Variants in FGF13 observed in about 807,000 individuals in gnomAD.
FGF13 encodes fibroblast growth factor homologous factor 2.
A neutral mutation model predicts 19.5 loss-of-function variants in FGF13; 2 were observed. That is an observed-to-expected ratio of 0.10 (90% CI 0.04 to 0.32). FGF13 has a LOEUF of 0.32. Among genes scored for constraint, FGF13 ranks in the 10% least tolerant of loss-of-function variants. The pLI is 1.00. For synonymous variants in FGF13, 72 were observed against 76.9 expected, an observed-to-expected ratio of 0.94 and a Z score of 0.33; for missense variants, 113 against 192.7, an observed-to-expected ratio of 0.59 and a Z score of 2.45.
intron 3 of FGF13, among the ~76,000 whole-genome samples, chrX:138,753,063 T>C (rs1160780900): frequency 8.9e-6 from 1 of 112,227 alleles, no homozygotes; most frequent in Non-Finnish European, 1.9e-5. Context: ...TTTGTGTTTA[T>C]ATATTTAATT....
At chrX:139,064,884 T>C (rs1473989964) in intron 1 of FGF13, among the ~76,000 whole-genome samples, 2 of 111,677 alleles carry the variant, frequency 1.8e-5, no homozygotes, top group Non-Finnish European at 3.8e-5. Context: ...CATTCTTTTT[T>C]CTCTAATCTT....
intron 3 of FGF13, among the ~76,000 whole-genome samples, chrX:138,754,858 T>C (rs2090421727): frequency 9.0e-6 from 1 of 111,441 alleles, no homozygotes; most frequent in Non-Finnish European, 1.9e-5. Flanking sequence ...ATATTTCATG[T>C]GTGCTGTCAT....
intron 3 of FGF13, among the ~76,000 whole-genome samples, chrX:138,849,551 G>A (rs953651441): frequency 1.8e-5 from 2 of 111,800 alleles, no homozygotes; most frequent in Admixed American, 1.9e-4. Context: ...CTTAATAGAC[G>A]TAGACTTCTA....
chrX:138,761,829 G>C (rs148398756), intron 3 of FGF13, among the ~76,000 whole-genome samples: 1,672 of 111,080 alleles, frequency 0.015, 19 homozygotes, highest in African/African-American at 0.052. Context: ...ATCTTTCCAC[G>C]AAATCCATCC....
intron 1 of FGF13, among the ~76,000 whole-genome samples, chrX:138,924,377 A>T (rs1388340380): frequency 8.9e-6 from 1 of 111,852 alleles, no homozygotes; most frequent in Non-Finnish European, 1.9e-5. Context: ...CTGGAGACAT[A>T]ACCATGAATA....
At chrX:138,899,240 T>G (rs1053760784) in intron 1 of FGF13, among the ~76,000 whole-genome samples, 7 of 111,545 alleles carry the variant, frequency 6.3e-5, no homozygotes, top group Admixed American at 1.9e-4. Context: ...ACTCAACAGT[T>G]ACTGGCTATA....
chrX:138,735,921 C>T (rs989188762), intron 1 of FGF13, among the ~76,000 whole-genome samples: 1 of 112,300 alleles, frequency 8.9e-6, no homozygotes, highest in South Asian at 3.7e-4. Context: ...CCTTTCTTTA[C>T]TGCATATCCC....
At chrX:138,801,417 C>T (rs1387820775) in intron 3 of FGF13, among the ~76,000 whole-genome samples, 2 of 111,945 alleles carry the variant, frequency 1.8e-5, no homozygotes, top group Admixed American at 1.9e-4. Context: ...GTGGAGGCTG[C>T]AGAACAGCAA....
intron 3 of FGF13, among the ~76,000 whole-genome samples, chrX:138,687,666 A>T (rs1462349959): frequency 8.9e-6 from 1 of 111,923 alleles, no homozygotes. Flanking sequence ...TCCAAAAGAA[A>T]GGAAATCAGC....
At chrX:138,690,351 A>G (rs1488199966) in intron 3 of FGF13, among the ~76,000 whole-genome samples, 1 of 111,275 alleles carries the variant, frequency 9.0e-6, no homozygotes, top group Non-Finnish European at 1.9e-5. Context: ...TCTATGGGTC[A>G]GCATTGTTTC....
intron 1 of FGF13, among the ~76,000 whole-genome samples, chrX:139,184,004 G>C (rs949225277): frequency 1.8e-5 from 2 of 112,018 alleles, no homozygotes; most frequent in Non-Finnish European, 3.8e-5. Context: ...AGCTCAAGCA[G>C]AACCTATGTT....
chrX:138,682,641 A>G (rs964243181), intron 3 of FGF13, among the ~76,000 whole-genome samples: 1 of 112,311 alleles, frequency 8.9e-6, no homozygotes, highest in Non-Finnish European at 1.9e-5. Flanking sequence ...ACTCAGTAAA[A>G]TAGTATTAGA....
chrX:138,895,825 A>C (rs969809044), intron 1 of FGF13, among the ~76,000 whole-genome samples: 43 of 112,186 alleles, frequency 3.8e-4, no homozygotes, highest in African/African-American at 1.3e-3. Context: ...TCAGCCACAA[A>C]ATATAAGGAA....
chrX:138,944,844 TCTCACTGGTATTTTTCTATTTAGAA>T (rs2091774809), intron 1 of FGF13, among the ~76,000 whole-genome samples: 2 of 111,919 alleles, frequency 1.8e-5, no homozygotes, highest in Non-Finnish European at 3.8e-5. Flanking sequence ...GTGGCAATTC[TCTCACTGGTATTTTTCTATTTAGAA>T]AAAAGATGAT....
chrX:138,867,833 C>CATCT (rs1556269064), intron 1 of FGF13, among the ~76,000 whole-genome samples: 7,797 of 99,010 alleles, frequency 0.079, 238 homozygotes, highest in East Asian at 0.14. Context: ...ATCTATCTAT[C>CATCT]ATCTATCTAT....
At chrX:138,692,133 T>C (rs2089843886) in intron 3 of FGF13, among the ~76,000 whole-genome samples, 1 of 111,695 alleles carries the variant, frequency 9.0e-6, no homozygotes, top group Non-Finnish European at 1.9e-5. Context: ...AAGTTCATAA[T>C]TGGTCTCTGT....
intron 1 of FGF13, among the ~76,000 whole-genome samples, chrX:139,015,071 A>T (rs918523172): frequency 2.7e-5 from 3 of 111,463 alleles, no homozygotes; most frequent in Non-Finnish European, 3.8e-5. Context: ...ATATCTCAAC[A>T]TAATAAAAAC....
chrX:139,088,557 A>C (rs1043042103), intron 1 of FGF13, among the ~76,000 whole-genome samples: 22 of 109,687 alleles, frequency 2.0e-4, no homozygotes, highest in African/African-American at 7.3e-4. Flanking sequence ...AAAAAAAAAA[A>C]CTCAAAACAA....
At chrX:139,130,897 G>T (rs184460080) in intron 1 of FGF13, among the ~76,000 whole-genome samples, 1 of 110,778 alleles carries the variant, frequency 9.0e-6, no homozygotes, top group African/African-American at 3.3e-5. Flanking sequence ...TTTTAATTAC[G>T]TTTTCGTATT....
Sources: allele counts gnomAD v4.1 joint callset (sites outside exome capture counted in the v4.1 genomes callset), GRCh38; gene constraint gnomAD v4.1.1; transcripts MANE v1.5; gene names NCBI Gene and HGNC (gene_info 2026-07-23, HGNC 2026-07-21).